PARM1: variants seen among roughly 807,000 people sequenced by gnomAD.
The protein encoded by PARM1 is prostate androgen-regulated mucin-like protein 1, also known as WSC4, cell wall integrity and stress response component 4 homolog.
PARM1 carries 14 observed loss-of-function variants against 24.6 expected under a neutral mutation model. The ratio of observed to expected loss-of-function variants is 0.57; its 90% confidence interval spans 0.38 to 0.89. The LOEUF is 0.89. Among genes scored for constraint, PARM1 ranks in the 40% least tolerant of loss-of-function variants. The pLI is 0.00. For missense variants in PARM1, 362 were observed against 380.4 expected (o/e 0.95, Z 0.40); for synonymous variants, 179 against 156.6 (o/e 1.14, Z -1.07).
intron 2 of PARM1, among the ~76,000 whole-genome samples, chr4:75,025,899 T>G (rs973025078): frequency 2.0e-5 from 3 of 152,188 alleles, no homozygotes; most frequent in Non-Finnish European, 2.9e-5. Flanking sequence ...GCCCACTAAC[T>G]AGCATGTAGA....
intron 1 of PARM1, among the ~76,000 whole-genome samples, chr4:75,009,758 T>C (rs1313755919): frequency 1.3e-5 from 2 of 152,210 alleles, no homozygotes; most frequent in African/African-American, 2.4e-5. Flanking sequence ...CGCAAGTCCT[T>C]ATTAAGCACT....
intron 1 of PARM1, among the ~76,000 whole-genome samples, chr4:74,985,770 G>A (rs765571450): frequency 2.0e-5 from 3 of 151,976 alleles, no homozygotes; most frequent in African/African-American, 7.2e-5. Context: ...TTGTTTGTTT[G>A]TTTTTGTTTT....
intron 3 of PARM1, among the ~76,000 whole-genome samples, chr4:75,045,464 A>T (rs1723582612): frequency 6.6e-6 from 1 of 152,232 alleles, no homozygotes. Context: ...TTAATTATCC[A>T]CCAAATTCTG....
At chr4:74,995,985 A>G (rs569214227) in intron 1 of PARM1, among the ~76,000 whole-genome samples, 1 of 152,110 alleles carries the variant, frequency 6.6e-6, no homozygotes, top group African/African-American at 2.4e-5. Context: ...TAAGTCCCAG[A>G]CATAAGGCTC....
intron 1 of PARM1, among the ~76,000 whole-genome samples, chr4:74,955,374 G>A (rs1721609490): frequency 6.6e-6 from 1 of 152,134 alleles, no homozygotes; most frequent in Non-Finnish European, 1.5e-5. Context: ...GATCTGAAAT[G>A]GATTCTTAAC....
At chr4:74,938,770 T>A (rs1184448066) in intron 1 of PARM1, among the ~76,000 whole-genome samples, 1 of 152,206 alleles carries the variant, frequency 6.6e-6, no homozygotes, top group Non-Finnish European at 1.5e-5. Context: ...TACACCAGCA[T>A]GGCCAATTTC....
At chr4:75,005,503 C>T (rs1393177702) in intron 1 of PARM1, among the ~76,000 whole-genome samples, 1 of 152,126 alleles carries the variant, frequency 6.6e-6, no homozygotes, top group Non-Finnish European at 1.5e-5. Context: ...CCAGTCAGGT[C>T]AGGAGGCACA....
intron 1 of PARM1, among the ~76,000 whole-genome samples, chr4:74,975,966 G>A (rs1722132705): frequency 6.6e-6 from 1 of 152,112 alleles, no homozygotes; most frequent in Non-Finnish European, 1.5e-5. Flanking sequence ...AAGCAAGGTG[G>A]AGCCACAGCC....
chr4:74,978,613 A>G (rs1722184097), intron 1 of PARM1, among the ~76,000 whole-genome samples: 1 of 152,218 alleles, frequency 6.6e-6, no homozygotes, highest in African/African-American at 2.4e-5. Flanking sequence ...AAATGGAGCT[A>G]ATAGATATAT....
chr4:74,939,615 A>G (rs1209282314), intron 1 of PARM1, among the ~76,000 whole-genome samples: 1 of 152,130 alleles, frequency 6.6e-6, no homozygotes, highest in Non-Finnish European at 1.5e-5. Flanking sequence ...TATTAATTAT[A>G]TAAGGTTTGC....
intron 1 of PARM1, among the ~76,000 whole-genome samples, chr4:75,000,458 C>T (rs565089268): frequency 6.6e-6 from 1 of 152,298 alleles, no homozygotes; most frequent in South Asian, 2.1e-4. Context: ...CTGCCTTTCA[C>T]TCTCATCATT....
intron 3 of PARM1, among the ~76,000 whole-genome samples, chr4:75,037,021 G>A (rs1434492263): frequency 2.0e-5 from 3 of 152,034 alleles, no homozygotes; most frequent in Admixed American, 6.6e-5. Flanking sequence ...GAGATTAATC[G>A]TTGTTATGAA....
chr4:75,017,872 T>C (rs1223531163), intron 2 of PARM1, among the ~76,000 whole-genome samples: 3 of 152,208 alleles, frequency 2.0e-5, no homozygotes, highest in Non-Finnish European at 4.4e-5. Flanking sequence ...GATCCTATCA[T>C]CAGTAAAATA....
intron 2 of PARM1, among the ~76,000 whole-genome samples, chr4:75,033,247 T>C (rs1317396371): frequency 6.6e-6 from 1 of 152,178 alleles, no homozygotes; most frequent in Non-Finnish European, 1.5e-5. Flanking sequence ...TTAGTCTCTA[T>C]AAAACCAAGT....
chr4:74,988,453 A>T (rs574863132), intron 1 of PARM1, among the ~76,000 whole-genome samples: 1 of 152,270 alleles, frequency 6.6e-6, no homozygotes, highest in Admixed American at 6.5e-5. Flanking sequence ...GGGAGAGAAG[A>T]TGATTAGTGG....
chr4:75,014,090 A>G (rs1212661895), intron 2 of PARM1, among the ~76,000 whole-genome samples: 2 of 152,188 alleles, frequency 1.3e-5, no homozygotes, highest in Admixed American at 1.3e-4. Context: ...TGAGAAGGTC[A>G]TTTCCAGACA....
At chr4:74,934,463 G>A (rs1309112374) in intron 1 of PARM1, among the ~76,000 whole-genome samples, 1 of 152,158 alleles carries the variant, frequency 6.6e-6, no homozygotes, top group African/African-American at 2.4e-5. Context: ...AGAAGCTAGC[G>A]GTTTTCAGGC....
At chr4:74,985,140 T>A (rs918433870) in intron 1 of PARM1, among the ~76,000 whole-genome samples, 1 of 152,140 alleles carries the variant, frequency 6.6e-6, no homozygotes, top group African/African-American at 2.4e-5. Flanking sequence ...TGCCATTACA[T>A]CCCACATAAC....
intron 1 of PARM1, among the ~76,000 whole-genome samples, chr4:74,979,805 G>C (rs1722213049): frequency 6.6e-6 from 1 of 152,168 alleles, no homozygotes; most frequent in South Asian, 2.1e-4. Context: ...TCCAAGGCTG[G>C]TTCAACATAC....
Sources: allele counts gnomAD v4.1 joint callset (sites outside exome capture counted in the v4.1 genomes callset), GRCh38; gene constraint gnomAD v4.1.1; transcripts MANE v1.5; gene names NCBI Gene and HGNC (gene_info 2026-07-23, HGNC 2026-07-21).